The following ARHGAP26 variants were observed in gnomAD, a reference collection of about 807,000 sequenced individuals.
ARHGAP26 encodes rho GTPase-activating protein 26.
Under a neutral mutation model 104.8 loss-of-function variants are expected in ARHGAP26, and 38 were observed. The observed-to-expected ratio is 0.36, with a 90% confidence interval of 0.28 to 0.48. The LOEUF (loss-of-function observed/expected upper bound fraction) is 0.48. ARHGAP26 is among the 20% of genes least tolerant of loss of function. ARHGAP26 has a pLI of 0.99. For missense variants in ARHGAP26, 704 were observed against 947.9 expected, an observed-to-expected ratio of 0.74 and a Z score of 3.38; for synonymous variants, 341 against 340.0, an observed-to-expected ratio of 1.00 and a Z score of -0.03.
intron 20 of ARHGAP26, among the ~76,000 whole-genome samples, chr5:143,154,435 A>T (rs1244946285): frequency 6.6e-6 from 1 of 152,206 alleles, no homozygotes; most frequent in African/African-American, 2.4e-5. Context: ...GTATTTTAGT[A>T]CTGTGTATGG....
At chr5:142,772,411 G>C (rs1442229235) in intron 1 of ARHGAP26, among the ~76,000 whole-genome samples, 4 of 152,220 alleles carry the variant, frequency 2.6e-5, no homozygotes, top group African/African-American at 9.6e-5. Flanking sequence ...CCCACTTACA[G>C]GTTGGGCCCA....
chr5:142,852,724 AGG>A (rs1751731370), intron 1 of ARHGAP26, among the ~76,000 whole-genome samples: 1 of 152,128 alleles, frequency 6.6e-6, no homozygotes, highest in Non-Finnish European at 1.5e-5. Context: ...GATCCAGAGG[AGG>A]TCTGTGTTTC....
chr5:143,214,370 C>T (rs568001742), intron 22 of ARHGAP26, among the ~76,000 whole-genome samples: 15 of 152,310 alleles, frequency 9.8e-5, no homozygotes, highest in African/African-American at 3.4e-4. Context: ...AAAGACCCAG[C>T]CCAGGACCTG....
intron 18 of ARHGAP26, 129 bp downstream of exon 18, chr5:143,121,276 G>C: frequency 5.2e-6 from 5 of 963,228 alleles, no homozygotes. Context: ...TGAAGTTGCT[G>C]GTGGTGGTAG....
intron 4 of ARHGAP26, 120 bp downstream of exon 4, chr5:142,879,565 G>C (rs1756644604): frequency 2.2e-6 from 2 of 908,974 alleles, no homozygotes; most frequent in African/African-American, 3.4e-5. Context: ...ACCTTCTTCA[G>C]AAAATCTTAG....
At chr5:142,998,418 A>G (rs1188236404) in intron 11 of ARHGAP26, among the ~76,000 whole-genome samples, 3 of 152,160 alleles carry the variant, frequency 2.0e-5, no homozygotes, top group African/African-American at 7.2e-5. Context: ...CAAGACAGAC[A>G]TGCCCTAATC....
intron 20 of ARHGAP26, among the ~76,000 whole-genome samples, chr5:143,172,622 C>T (rs934840174): frequency 2.6e-5 from 4 of 152,164 alleles, no homozygotes; most frequent in African/African-American, 9.7e-5. Context: ...AGGGCTGTTA[C>T]TCCCATTGGT....
intron 1 of ARHGAP26, among the ~76,000 whole-genome samples, chr5:142,775,963 A>G (rs1417811409): frequency 6.6e-6 from 1 of 152,186 alleles, no homozygotes; most frequent in African/African-American, 2.4e-5. Context: ...CTTGGAATTG[A>G]CATACCAATT....
chr5:143,037,326 C>T, intron 13 of ARHGAP26, 65 bp downstream of exon 13: 2 of 1,349,352 alleles, frequency 1.5e-6, no homozygotes, highest in Non-Finnish European at 2.1e-6. Flanking sequence ...GGAGTCAGAC[C>T]TGCTACCTGC....
intron 11 of ARHGAP26, among the ~76,000 whole-genome samples, chr5:143,012,540 T>TATATATACATACATACATACATAC: frequency 2.4e-5 from 1 of 41,048 alleles, no homozygotes; most frequent in African/African-American, 7.9e-5. Context: ...GATATATTTA[T>TATATATACATACATACATACATAC]ATACATACAT....
chr5:142,830,124 C>T (rs1055067040), intron 1 of ARHGAP26, among the ~76,000 whole-genome samples: 3 of 152,122 alleles, frequency 2.0e-5, no homozygotes, highest in South Asian at 2.1e-4. Flanking sequence ...GAACATAGCA[C>T]GTGGGGATGT....
chr5:143,073,570 G>A (rs1788565680), intron 17 of ARHGAP26, among the ~76,000 whole-genome samples: 1 of 152,164 alleles, frequency 6.6e-6, no homozygotes, highest in African/African-American at 2.4e-5. Flanking sequence ...GGCCCAGCAG[G>A]CAAGAGGTTC....
chr5:143,018,928 C>A (rs972384686), intron 12 of ARHGAP26, among the ~76,000 whole-genome samples: 5 of 152,164 alleles, frequency 3.3e-5, no homozygotes, highest in Admixed American at 1.3e-4. Context: ...AAAGTTGACA[C>A]CTTTGTAATA....
At chr5:143,190,198 T>G (rs1805742415) in intron 20 of ARHGAP26, among the ~76,000 whole-genome samples, 1 of 152,208 alleles carries the variant, frequency 6.6e-6, no homozygotes, top group Admixed American at 6.5e-5. Context: ...GGTTTCTAGT[T>G]TCTCTTATAA....
intron 3 of ARHGAP26, among the ~76,000 whole-genome samples, chr5:142,877,180 C>T (rs1210002946): frequency 1.3e-5 from 2 of 152,176 alleles, no homozygotes; most frequent in Non-Finnish European, 2.9e-5. Context: ...TGAGTTTCTA[C>T]TGTCTGCATC....
At chr5:142,897,061 CT>C (rs1404289290) in intron 6 of ARHGAP26, among the ~76,000 whole-genome samples, 1 of 152,100 alleles carries the variant, frequency 6.6e-6, no homozygotes, top group South Asian at 2.1e-4. Context: ...GTAGAAAATG[CT>C]GAAAACCCAG....
intron 20 of ARHGAP26, among the ~76,000 whole-genome samples, chr5:143,196,352 C>T (rs578257832): frequency 1.4e-4 from 22 of 152,074 alleles, no homozygotes; most frequent in African/African-American, 5.1e-4. Context: ...TTGTTTTTCG[C>T]GGTAGTCATG....
intron 12 of ARHGAP26, 135 bp downstream of exon 12, chr5:143,014,251 C>A: frequency 2.2e-6 from 2 of 907,742 alleles, no homozygotes; most frequent in Non-Finnish European, 3.6e-6. Context: ...TGCAGTGGGA[C>A]ATGCCTCCAC....
At chr5:142,999,475 G>A (rs889604539) in intron 11 of ARHGAP26, among the ~76,000 whole-genome samples, 1 of 152,032 alleles carries the variant, frequency 6.6e-6, no homozygotes, top group Non-Finnish European at 1.5e-5. Flanking sequence ...GGCGGGTTAA[G>A]GCTACTTTTT....
Sources: gnomAD v4.1 joint callset for allele counts (sites outside exome capture counted in the v4.1 genomes callset) on GRCh38, gnomAD v4.1.1 for gene constraint, MANE v1.5 for transcripts, NCBI Gene and HGNC (gene_info 2026-07-23, HGNC 2026-07-21) for gene names.